Variants in GFRA1 observed in about 807,000 individuals in gnomAD.
GFRA1 encodes GDNF family receptor alpha 1.
GFRA1 carries 16 observed loss-of-function variants against 51.6 expected under a neutral mutation model. The ratio of observed to expected loss-of-function variants is 0.31; its 90% CI spans 0.21 to 0.47. GFRA1 has a LOEUF of 0.47. Among genes scored for constraint, GFRA1 ranks in the 20% least tolerant of loss-of-function variants. GFRA1 has a pLI of 1.00. For missense variants in GFRA1, 530 were observed against 594.3 expected (o/e 0.89, Z 1.13); for synonymous variants, 270 against 241.3 (o/e 1.12, Z -1.10).
rs980671063 is a variant in GFRA1 at position 116,272,333 on chromosome 10, A to G, written c.-246-58T>C. 5 of 512,850 alleles carry G rather than the reference A, an allele frequency of 9.7e-6. No homozygotes were observed. Among genetic ancestry groups the G allele is most frequent in the Non-Finnish European group, 1.8e-5 (5 of 283,136 alleles). The allele number at this position is 512,850 out of a possible 1,614,324, so 31.8% of individuals were successfully genotyped here. Reference sequence around the variant, plus strand: ...GGAGAGCGCCGGAGACTCCCCCCACAGAACCCTCTCCCCTCCCCCGTTCCC... The same window carrying G: ...GGAGAGCGCCGGAGACTCCCCCCACGGAACCCTCTCCCCTCCCCCGTTCCC... On this transcript the variant is annotated intron_variant, in intron 1 of 10. Coordinates refer to ENST00000355422, the MANE Select transcript of GFRA1 (RefSeq NM_005264.8). This position sits in a 1 kb window ranked among gnomAD's most constrained non-coding sequence, Gnocchi z 4.4.
chr10:116,233,329 A>T (rs972443757), intron 4 of GFRA1, among the ~76,000 whole-genome samples: 8 of 149,638 alleles, frequency 5.3e-5, no homozygotes, highest in African/African-American at 2.0e-4. Context: ...CTCCATCTCA[A>T]AAAAAAAAAA....
chr10:116,076,943 A>T (rs1233867884), intron 9 of GFRA1, among the ~76,000 whole-genome samples: 2 of 152,202 alleles, frequency 1.3e-5, no homozygotes. Flanking sequence ...AATATATGAT[A>T]ACACTTGTAT....
chr10:116,180,890 G>A (rs1962151511), intron 5 of GFRA1, among the ~76,000 whole-genome samples: 1 of 152,048 alleles, frequency 6.6e-6, no homozygotes, highest in Non-Finnish European at 1.5e-5. Context: ...TGAGATCTTT[G>A]TTCTATTTCT....
chr10:116,126,334 A>T lies in GFRA1; in HGVS notation c.434-777T>A, dbSNP rs576490897. 2.6e-5 allele frequency among the ~76,000 whole-genome samples: 4 copies of T among 152,326 alleles called. No homozygotes were observed. In the South Asian group the frequency reaches 8.3e-4, roughly 32 times the overall value. On this transcript the variant is annotated intron_variant, in intron 5 of 10. Coordinates refer to ENST00000355422, the MANE Select transcript of GFRA1 (RefSeq NM_005264.8). Reference sequence around the variant, plus strand: ...GCTGCCTTCTGCCCAAGCCCTGTGCACTCATACCACCAGGGAAGCCAGTGC... The same window carrying T: ...GCTGCCTTCTGCCCAAGCCCTGTGCTCTCATACCACCAGGGAAGCCAGTGC...
At chr10:116,202,906 G>A (rs1224748487) in intron 5 of GFRA1, among the ~76,000 whole-genome samples, 2 of 152,124 alleles carry the variant, frequency 1.3e-5, no homozygotes, top group Non-Finnish European at 2.9e-5. Context: ...CTGAGGATGG[G>A]GTGCTGAAAA....
intron 10 of GFRA1, 139 bp downstream of exon 10, chr10:116,065,434 C>A: frequency 1.4e-6 from 1 of 712,722 alleles, no homozygotes; most frequent in Non-Finnish European, 2.5e-6. Context: ...AAAGGGCAGA[C>A]GGTCATGGAG....
Position 116,096,775 on chromosome 10 carries a change from A to T in GFRA1, c.771-11T>A. On this transcript the variant is annotated splice_polypyrimidine_tract_variant and intron_variant, in intron 6 of 10. Transcript: ENST00000355422. ...TCCGCAAGGCGAGATCTACAATAGG[A>T]AAAAAGGGGTGGGGGGTGGAAATGT... is the stretch of plus-strand genomic sequence containing the variant. 1 of 1,450,090 alleles carries T rather than the reference A, an allele frequency of 6.9e-7. No individual in the cohort carries two copies. The highest frequency in any genetic ancestry group is 9.7e-7 in the Non-Finnish European group (1 of 1,033,128). The allele number at this position is 1,450,090 out of a possible 1,614,324, so 89.8% of individuals were successfully genotyped here. A position where few individuals can be genotyped will look rare whatever the true frequency, so the allele number is the denominator to read the frequency against.
Position 116,236,802 on chromosome 10 carries a change from C to T in GFRA1, c.419-25157G>A, listed in dbSNP as rs567085664. Among the ~76,000 whole-genome samples, 9 of 152,298 alleles carry T rather than the reference C, an allele frequency of 5.9e-5. No individual in the cohort carries two copies. The South Asian group carries it at 6.2e-4, about 11-fold the overall frequency. ...AGCATTTTGTCTCTTCCTCTGCAAC[C>T]GCCTTGGTGAGATCCTGTGATTATC... is the stretch of plus-strand genomic sequence containing the variant. On this transcript the variant is annotated intron_variant, in intron 4 of 10. Coordinates refer to ENST00000355422, the MANE Select transcript of GFRA1 (RefSeq NM_005264.8).
At chr10:116,148,025 C>T (rs1448427039) in intron 5 of GFRA1, among the ~76,000 whole-genome samples, 3 of 145,658 alleles carry the variant, frequency 2.1e-5, no homozygotes, top group East Asian at 4.1e-4. Context: ...TGTGTGCGCG[C>T]ATGCATGTGT....
rs71010072 is a variant in GFRA1, at chr10:116,212,523, A to AACACACAC, written c.419-886_419-879dup. 7.7e-3 allele frequency among the ~76,000 whole-genome samples: 1,103 copies of AACACACAC among 142,654 alleles called. 6 individuals carry two copies. Among genetic ancestry groups the AACACACAC allele is most frequent in the Middle Eastern group, 0.039 (11 of 280 alleles). 93.6% of individuals were successfully genotyped at this position (142,654 alleles called of 152,430 possible). Reference sequence around the variant, plus strand: ...CAACAAGAGCAAAATTCCGTCTCAAAACACACACACACACACACACACACA... The same window carrying AACACACAC: ...CAACAAGAGCAAAATTCCGTCTCAAAACACACACACACACACACACACACACACACACA... On this transcript the variant is annotated intron_variant, in intron 4 of 10. Coordinates refer to ENST00000355422, the MANE Select transcript of GFRA1 (RefSeq NM_005264.8).
At chr10:116,233,271 T>C (rs910764038) in intron 4 of GFRA1, among the ~76,000 whole-genome samples, 3 of 151,690 alleles carry the variant, frequency 2.0e-5, no homozygotes, top group African/African-American at 7.3e-5. Context: ...GATGTTGCAG[T>C]GAGCCAAGAT....
chr10:116,189,367 C>T (rs767828320), intron 5 of GFRA1, among the ~76,000 whole-genome samples: 13 of 152,124 alleles, frequency 8.5e-5, no homozygotes, highest in Non-Finnish European at 1.9e-4. Flanking sequence ...CAAGGAGTAA[C>T]GTCCCCTGAG....
chr10:116,261,909 A>G (rs4579854), intron 4 of GFRA1, among the ~76,000 whole-genome samples: 151,175 of 152,280 alleles, frequency 0.99, 75,047 homozygotes, highest in East Asian at 1. Flanking sequence ...GCCCAAGGTC[A>G]CCCAGCTAGT....
At chr10:116,119,548 A>G (rs990680074) in intron 6 of GFRA1, among the ~76,000 whole-genome samples, 3 of 152,218 alleles carry the variant, frequency 2.0e-5, no homozygotes, top group African/African-American at 7.2e-5. Context: ...AAATAAAATT[A>G]AGTGCCAAAT....
chr10:116,066,777 C>T (rs1411744548), intron 9 of GFRA1, among the ~76,000 whole-genome samples: 2 of 152,242 alleles, frequency 1.3e-5, no homozygotes, highest in East Asian at 3.9e-4. Context: ...CAACAGGAGC[C>T]GTTTGGCACT....
At chr10:116,170,661 G>T (rs1197520857) in intron 5 of GFRA1, among the ~76,000 whole-genome samples, 1 of 152,180 alleles carries the variant, frequency 6.6e-6, no homozygotes, top group Non-Finnish European at 1.5e-5. Flanking sequence ...ACTCAGGGAA[G>T]CTCAGATTCA....
Position 116,063,875 on chromosome 10 carries a change from C to A in GFRA1, c.*523G>T. ...ATCAGTACCAGCTGTTTCCACAAAG[C>A]CCACTCTTGGTAAGAATCTTCTTTG... On this transcript the variant is annotated 3_prime_UTR_variant, in exon 11 of 11. Transcript: ENST00000355422. The A allele has an allele frequency of 5.9e-6, 1 of 170,924 alleles. No homozygotes were observed. The highest frequency in any genetic ancestry group is 1.3e-5 in the Non-Finnish European group (1 of 79,478). The allele number at this position is 170,924 out of a possible 1,614,324, so 10.6% of individuals were successfully genotyped here.
At chr10:116,204,444 C>T (rs1314990499) in intron 5 of GFRA1, among the ~76,000 whole-genome samples, 6 of 152,220 alleles carry the variant, frequency 3.9e-5, no homozygotes, top group Non-Finnish European at 8.8e-5. Context: ...ACACCTAACA[C>T]CCAGATCTTG....
chr10:116,125,573 AAGAC>A lies in GFRA1; in HGVS notation c.434-20_434-17del. The A allele has an allele frequency of 6.3e-7, 1 of 1,599,026 alleles. No individual in the cohort carries two copies. The highest frequency in any genetic ancestry group is 1.1e-5 in the South Asian group (1 of 89,792). ...ATGTGCTCCACTGCAAATGCAGAGA[AAGAC>A]AGGCATGGTCACAGTGCTCGGCTCT... On this transcript the variant is annotated splice_polypyrimidine_tract_variant and intron_variant, in intron 5 of 10. Transcript: ENST00000355422.
Sources: allele counts gnomAD v4.1 joint callset (sites outside exome capture counted in the v4.1 genomes callset), GRCh38; gene constraint gnomAD v4.1.1; non-coding constraint Gnocchi (gnomAD v3.1); transcripts MANE v1.5; gene names NCBI Gene and HGNC (gene_info 2026-07-23, HGNC 2026-07-21).